Variants in ADTRP observed in about 807,000 individuals in gnomAD.
ADTRP encodes the protein androgen-dependent TFPI-regulating protein.
A neutral mutation model predicts 27.0 loss-of-function variants in ADTRP; 20 were observed. The observed-to-expected ratio is 0.74, with a 90% CI of 0.52 to 1.08. ADTRP has a LOEUF of 1.08. Among genes scored for constraint, ADTRP ranks in the 50% least tolerant of loss-of-function variants. The probability of loss-of-function intolerance (pLI) is 0.00; values close to 1 mark genes in which losing one functional copy is unlikely to be tolerated. For missense variants in ADTRP, 251 were observed against 275.0 expected (o/e 0.91, Z 0.62); for synonymous variants, 101 against 105.2 (o/e 0.96, Z 0.25).
Position 11,735,673 on chromosome 6 carries a change from A to G in ADTRP, c.401T>C (p.Ile134Thr). Residue 134 changes from isoleucine to threonine, a missense_variant, in exon 4 of 6, where the codon ATA becomes ACA. By Grantham distance (89) the Ile-to-Thr change is moderately conservative. Coordinates refer to ENST00000414691, the MANE Select transcript of ADTRP (RefSeq NM_032744.4). Reference sequence around the variant, plus strand: ...GACTTCAGCCAATGTGATGGGGAATATGAAAGTGTGCTGCAGGAGAGAAAA... The same window carrying G: ...GACTTCAGCCAATGTGATGGGGAATGTGAAAGTGTGCTGCAGGAGAGAAAA... Reference protein sequence around the residue: ...VWLNHAMHTFIFPITLAEVVL... With the variant: ...VWLNHAMHTFTFPITLAEVVL... The G allele has an allele frequency of 1.2e-6, 2 of 1,612,830 alleles. No homozygotes were observed. The highest frequency in any genetic ancestry group is 1.7e-6 in the Non-Finnish European group (2 of 1,178,866).
intron 1 of ADTRP, among the ~76,000 whole-genome samples, chr6:11,777,800 T>C (rs552939603): frequency 6.6e-6 from 1 of 152,330 alleles, no homozygotes; most frequent in South Asian, 2.1e-4. Context: ...AGGATTACAA[T>C]TCTGAAAACA....
intron 5 of ADTRP, among the ~76,000 whole-genome samples, chr6:11,717,581 A>G (rs528756026): frequency 1.0e-4 from 16 of 152,386 alleles, no homozygotes; most frequent in African/African-American, 3.8e-4. Flanking sequence ...AATGCCAGGC[A>G]TTGAAAATTT....
At chr6:11,735,915 T>G in intron 3 of ADTRP, 3 of 417,994 alleles carry the variant, frequency 7.2e-6, no homozygotes, top group Non-Finnish European at 4.4e-6. Flanking sequence ...ACCCTCTCTC[T>G]GGTCCTGCTT....
intron 5 of ADTRP, among the ~76,000 whole-genome samples, chr6:11,715,806 C>CTTTTTTTT (rs55961408): frequency 9.0e-5 from 7 of 77,730 alleles, no homozygotes; most frequent in Admixed American, 1.6e-4. Flanking sequence ...CCATGCCCAG[C>CTTTTTTTT]TTTTTTTTTT....
intron 3 of ADTRP, chr6:11,735,976 G>A (rs1004655080): frequency 3.6e-6 from 1 of 274,682 alleles, no homozygotes; most frequent in Non-Finnish European, 7.0e-6. Flanking sequence ...GGTGGGGGGT[G>A]GAGATGCAGT....
Position 11,778,712 on chromosome 6 carries a change from C to T in ADTRP, c.48G>A (p.Trp16Ter). 6.2e-7 allele frequency: 1 copy of T among 1,614,160 alleles called. No individual in the cohort carries two copies. The highest frequency in any genetic ancestry group is 8.5e-7 in the Non-Finnish European group (1 of 1,180,034). Residue 16 changes from tryptophan (W) to a stop codon, truncating the protein, a stop_gained, in exon 1 of 6, where the codon TGG becomes TGA. Transcript: ENST00000414691. LOFTEE classifies it high-confidence loss of function. ...TCIYHFLVLS[W>*]YTFLNYYISQ... ...AGATGTAATAATTGAGGAAAGTATA[C>T]CAGCTCAGAACAAGGAAGTGGTATA...
intron 3 of ADTRP, among the ~76,000 whole-genome samples, chr6:11,740,889 A>G (rs957917547): frequency 6.6e-6 from 1 of 152,228 alleles, no homozygotes; most frequent in Non-Finnish European, 1.5e-5. Context: ...CACGTAGGCT[A>G]TAGAGCTTAT....
At chr6:11,742,593 CT>C (rs1762753370) in intron 3 of ADTRP, among the ~76,000 whole-genome samples, 1 of 152,206 alleles carries the variant, frequency 6.6e-6, no homozygotes, top group Admixed American at 6.5e-5. Flanking sequence ...AGTTTTCCCC[CT>C]AGGCATTAGG....
rs1220437205 is a variant in ADTRP at position 11,763,389 on chromosome 6, C to G, written c.390+2885G>C. Among the ~76,000 whole-genome samples, 6 of 152,256 alleles carry G rather than the reference C, an allele frequency of 3.9e-5. No homozygotes were observed. The South Asian group carries it at 6.2e-4, about 16-fold the overall frequency. On this transcript the variant is annotated intron_variant, in intron 3 of 5. Transcript: ENST00000414691. ...TGGGGAAAATATTCCAAAGCTAAGG[C>G]TAAAATAGCAAACACAGGGAGTGTT...
intron 3 of ADTRP, among the ~76,000 whole-genome samples, chr6:11,744,811 T>A (rs1277735792): frequency 6.6e-6 from 1 of 152,212 alleles, no homozygotes; most frequent in African/African-American, 2.4e-5. Context: ...TTAGGAAGCA[T>A]GGGATCTACT....
chr6:11,771,353 G>T (rs1763774433), intron 1 of ADTRP, among the ~76,000 whole-genome samples: 1 of 152,328 alleles, frequency 6.6e-6, no homozygotes, highest in African/African-American at 2.4e-5. Context: ...ACCCCCGCGT[G>T]GGGGCTCAGG....
intron 2 of ADTRP, 23 bp from the exon 3 acceptor site, chr6:11,766,398 T>C (rs1158955270): frequency 3.2e-6 from 5 of 1,549,164 alleles, no homozygotes; most frequent in Middle Eastern, 1.7e-4. Context: ...ACACAAAAAA[T>C]AGCATCATTA....
chr6:11,717,446 A>G (rs1761869834), intron 5 of ADTRP: 1 of 1,303,152 alleles, frequency 7.7e-7, no homozygotes, highest in East Asian at 5.6e-5. Context: ...TATTGTTTCA[A>G]TCAACATCAC....
intron 3 of ADTRP, among the ~76,000 whole-genome samples, chr6:11,746,666 G>C (rs571781848): frequency 6.6e-6 from 1 of 152,348 alleles, no homozygotes; most frequent in South Asian, 2.1e-4. Flanking sequence ...GTAAGGAAAA[G>C]AGGGAAAGAA....
At chr6:11,761,435 T>C (rs1763387358) in intron 3 of ADTRP, among the ~76,000 whole-genome samples, 1 of 152,226 alleles carries the variant, frequency 6.6e-6, no homozygotes, top group Non-Finnish European at 1.5e-5. Context: ...TGATAAATAC[T>C]TTTTAGCACT....
At chr6:11,757,071 G>T (rs1763234436) in intron 3 of ADTRP, among the ~76,000 whole-genome samples, 1 of 152,216 alleles carries the variant, frequency 6.6e-6, no homozygotes, top group Non-Finnish European at 1.5e-5. Context: ...GGCATTTTAA[G>T]TGTGTATCAG....
chr6:11,714,592 T>C, intron 5 of ADTRP, 80 bp from the exon 6 acceptor site: 1 of 1,511,276 alleles, frequency 6.6e-7, no homozygotes, highest in Non-Finnish European at 9.0e-7. Flanking sequence ...AGAGATTCAC[T>C]CTGACTTGGG....
chr6:11,774,046 C>T (rs576356465), intron 1 of ADTRP, among the ~76,000 whole-genome samples: 33 of 152,262 alleles, frequency 2.2e-4, no homozygotes, highest in South Asian at 8.3e-4. Context: ...CGGTGGCTCA[C>T]GCCTGTAATC....
At chr6:11,758,047 T>C (rs926341123) in intron 3 of ADTRP, among the ~76,000 whole-genome samples, 2 of 152,174 alleles carry the variant, frequency 1.3e-5, no homozygotes, top group African/African-American at 2.4e-5. Context: ...TTGCTGTCTT[T>C]TCTATCCAAC....
Sources: allele counts gnomAD v4.1 joint callset (sites outside exome capture counted in the v4.1 genomes callset), GRCh38; gene constraint gnomAD v4.1.1; transcripts MANE v1.5; gene names NCBI Gene and HGNC (gene_info 2026-07-23, HGNC 2026-07-21).